Variants in GLRA3 observed in about 807,000 individuals in gnomAD.
GLRA3 encodes the protein glycine receptor subunit alpha-3.
GLRA3 carries 44 observed loss-of-function variants against 60.4 expected under a neutral mutation model. That is an observed-to-expected ratio of 0.73 (90% CI 0.57 to 0.94). GLRA3 has a LOEUF of 0.94. GLRA3 is among the 40% of genes least tolerant of loss of function. GLRA3 has a pLI of 0.00. For synonymous variants in GLRA3, 223 were observed against 192.9 expected (o/e 1.16, Z -1.29); for missense variants, 508 against 564.6 (o/e 0.90, Z 1.02).
chr4:174,818,282 T>A (rs568138915), intron 1 of GLRA3, among the ~76,000 whole-genome samples: 3 of 152,222 alleles, frequency 2.0e-5, no homozygotes, highest in Non-Finnish European at 4.4e-5. Flanking sequence ...TTTACTACTA[T>A]GTTTTTGAAA....
chr4:174,643,646 A>G lies in GLRA3; in HGVS notation c.*140T>C. 2.1e-6 allele frequency: 3 copies of G among 1,395,518 alleles called. No individual in the cohort carries two copies. The South Asian group carries it at 6.0e-5, about 28-fold the overall frequency. 86.4% of individuals were successfully genotyped at this position (1,395,518 alleles called of 1,614,324 possible). ...TTCTCATGACTTTGCATAGCTAACCAAAATACAAAGCTTTTCCATATGCCA... is the reference window on the plus strand; with the variant it reads ...TTCTCATGACTTTGCATAGCTAACCGAAATACAAAGCTTTTCCATATGCCA... On this transcript the variant is annotated 3_prime_UTR_variant, in exon 10 of 10. Coordinates refer to ENST00000274093, the MANE Select transcript of GLRA3 (RefSeq NM_006529.4).
chr4:174,650,515 A>T (rs1732987980), intron 9 of GLRA3, among the ~76,000 whole-genome samples: 1 of 152,216 alleles, frequency 6.6e-6, no homozygotes, highest in African/African-American at 2.4e-5. Flanking sequence ...TATAAGCTAC[A>T]TGAATGACAG....
intron 7 of GLRA3, among the ~76,000 whole-genome samples, chr4:174,671,673 A>T (rs1448921070): frequency 6.6e-6 from 1 of 152,136 alleles, no homozygotes; most frequent in Non-Finnish European, 1.5e-5. Context: ...TTTTTGAGAC[A>T]GAGTCTCATT....
At chr4:174,680,350 A>AC (rs1453941111) in intron 6 of GLRA3, among the ~76,000 whole-genome samples, 2 of 152,198 alleles carry the variant, frequency 1.3e-5, no homozygotes, top group East Asian at 3.8e-4. Flanking sequence ...CAGAATAAAT[A>AC]TAATACAAAC....
In GLRA3 at chr4:174,667,606, T is replaced by C. The variant is rs1156523963; in HGVS notation, c.928-8409A>G. 2.0e-5 allele frequency among the ~76,000 whole-genome samples: 3 copies of C among 152,150 alleles called. No homozygotes were observed. The South Asian group carries it at 6.2e-4, about 32-fold the overall frequency. Reference sequence around the variant, plus strand: ...AAAAAGTAGAGTCCAGGTAGTGCTTTGAAGCACTAACTTAACCTAAGACAG... The same window carrying C: ...AAAAAGTAGAGTCCAGGTAGTGCTTCGAAGCACTAACTTAACCTAAGACAG... On this transcript the variant is annotated intron_variant, in intron 7 of 9. Coordinates refer to ENST00000274093, the MANE Select transcript of GLRA3 (RefSeq NM_006529.4).
intron 3 of GLRA3, among the ~76,000 whole-genome samples, chr4:174,765,753 C>T (rs971092359): frequency 2.0e-5 from 3 of 151,948 alleles, no homozygotes; most frequent in East Asian, 1.9e-4. Context: ...GTCTTCTCTG[C>T]GTTTACATTC....
chr4:174,765,863 T>C (rs1185597461), intron 3 of GLRA3, among the ~76,000 whole-genome samples: 1 of 152,014 alleles, frequency 6.6e-6, no homozygotes, highest in Non-Finnish European at 1.5e-5. Flanking sequence ...AAATGCTTAT[T>C]GTAGTTAAGC....
rs562774207 is a variant in GLRA3, at chr4:174,682,953, A to T, written c.575-14T>A. The T allele has an allele frequency of 6.2e-7, 1 of 1,602,662 alleles. No homozygotes were observed. Among genetic ancestry groups the T allele is most frequent in the African/African-American group, 1.3e-5 (1 of 74,536 alleles). ...TTGTGTACCCAACTAGGCAAAACAT[A>T]ATAAAAATATGAATAGTCTAAAAAG... On this transcript the variant is annotated splice_polypyrimidine_tract_variant and intron_variant, in intron 5 of 9. Transcript: ENST00000274093.
chr4:174,678,830 A>G (rs1734228201), intron 6 of GLRA3, among the ~76,000 whole-genome samples: 2 of 152,338 alleles, frequency 1.3e-5, no homozygotes, highest in Non-Finnish European at 2.9e-5. Context: ...AGAAATAATG[A>G]AATGGAATAA....
intron 3 of GLRA3, among the ~76,000 whole-genome samples, chr4:174,745,280 T>C (rs1279818977): frequency 6.6e-6 from 1 of 152,156 alleles, no homozygotes; most frequent in South Asian, 2.1e-4. Flanking sequence ...TAGACATCCA[T>C]ATACAGGAGG....
At chr4:174,752,782 A>G (rs552295867) in intron 3 of GLRA3, among the ~76,000 whole-genome samples, 3 of 152,212 alleles carry the variant, frequency 2.0e-5, no homozygotes, top group South Asian at 2.1e-4. Flanking sequence ...TAATGTTAAT[A>G]TATGTTATAA....
chr4:174,778,825 C>G (rs969660302), intron 2 of GLRA3, among the ~76,000 whole-genome samples: 1 of 152,226 alleles, frequency 6.6e-6, no homozygotes, highest in African/African-American at 2.4e-5. Flanking sequence ...GGTCCTACCC[C>G]ACGGAGTCTC....
chr4:174,794,429 G>A (rs938171149), intron 1 of GLRA3, among the ~76,000 whole-genome samples: 11 of 152,028 alleles, frequency 7.2e-5, no homozygotes, highest in African/African-American at 2.7e-4. Flanking sequence ...GACATTTATA[G>A]GAAGGCAACA....
chr4:174,689,950 T>A (rs899531902), intron 5 of GLRA3, among the ~76,000 whole-genome samples: 4 of 151,936 alleles, frequency 2.6e-5, no homozygotes, highest in African/African-American at 9.7e-5. Flanking sequence ...AAACCATTGA[T>A]GTCCATCAGT....
Position 174,788,936 on chromosome 4 carries a change from C to T in GLRA3, c.79G>A (p.Ala27Thr), listed in dbSNP as rs768969378. The change falls in exon 2 of 10, where the codon GCC (alanine) becomes ACC (threonine). Residue 27 changes from alanine to threonine, a missense_variant. This residue lies in a region of GLRA3 where 329 missense variants were observed against 349.3 expected (regional missense o/e 0.94). Transcript: ENST00000274093. ...CTTGCACTGTCTGTTTCCTTTGTGG[C>T]AACCAAACTACAAATAAGAACAAAA... ...WEAALLLSLV[A>T]TKETDSARSR... 12 of 1,580,566 alleles carry T rather than the reference C, an allele frequency of 7.6e-6. No homozygotes were observed. In the Admixed American group the frequency reaches 2.0e-4, roughly 27 times the overall value.
chr4:174,652,855 A>G (rs1733072244), intron 9 of GLRA3, among the ~76,000 whole-genome samples: 2 of 152,122 alleles, frequency 1.3e-5, no homozygotes, highest in Non-Finnish European at 2.9e-5. Flanking sequence ...ATTGACCAGA[A>G]AAAAGAAAAC....
Position 174,828,873 on chromosome 4 carries a change from G to A in GLRA3, c.-62C>T. 8.9e-7 allele frequency: 1 copy of A among 1,127,276 alleles called. No homozygotes were observed. Among genetic ancestry groups the A allele is most frequent in the Non-Finnish European group, 1.4e-6 (1 of 735,850 alleles). 69.8% of individuals were successfully genotyped at this position (1,127,276 alleles called of 1,614,324 possible). On this transcript the variant is annotated 5_prime_UTR_variant, in exon 1 of 10. Transcript: ENST00000274093. ...TATCCAAGGCATGGGGAACCAGAAA[G>A]ACAGAATGAAAATGTACAATCTAAC...
At chr4:174,799,194 A>G (rs1417289405) in intron 1 of GLRA3, among the ~76,000 whole-genome samples, 1 of 152,248 alleles carries the variant, frequency 6.6e-6, no homozygotes, top group Non-Finnish European at 1.5e-5. Flanking sequence ...GTTATTAGTC[A>G]TAATTACCTA....
intron 7 of GLRA3, among the ~76,000 whole-genome samples, chr4:174,661,468 A>C (rs1341742291): frequency 6.6e-6 from 1 of 152,190 alleles, no homozygotes; most frequent in Non-Finnish European, 1.5e-5. Context: ...TAATGGTAGA[A>C]CCAGATACTG....
Sources: gnomAD v4.1 joint callset for allele counts (sites outside exome capture counted in the v4.1 genomes callset) on GRCh38, gnomAD v4.1.1 for gene constraint, gnomAD v4.1.1 regional missense constraint, MANE v1.5 for transcripts, NCBI Gene and HGNC (gene_info 2026-07-23, HGNC 2026-07-21) for gene names.